The following FAM167A variants were observed in gnomAD, a reference collection of about 807,000 sequenced individuals.
FAM167A encodes protein FAM167A.
In FAM167A, 23 loss-of-function variants were observed where a neutral mutation model predicts 14.9. The observed-to-expected ratio is 1.55, with a 90% CI of 1.11 to 2.19. FAM167A has a LOEUF of 2.19. Ranked by LOEUF, FAM167A falls within the 30% of genes most tolerant of loss-of-function variation. The probability of loss-of-function intolerance (pLI) is 0.00; values close to 1 mark genes in which losing one functional copy is unlikely to be tolerated. For missense variants in FAM167A, 401 were observed against 281.5 expected (o/e 1.42, Z -3.04); for synonymous variants, 174 against 117.7 (o/e 1.48, Z -3.10).
At chr8:11,437,858 C>G (rs1475311346) in intron 2 of FAM167A, among the ~76,000 whole-genome samples, 1 of 148,110 alleles carries the variant, frequency 6.8e-6, no homozygotes, top group African/African-American at 2.7e-5. Context: ...AGGCATGGAT[C>G]TGGCTGCCAA....
chr8:11,440,851 G>A lies in FAM167A; in HGVS notation c.381+3180C>T, dbSNP rs1585253174. On this transcript the variant is annotated intron_variant, in intron 2 of 2. Coordinates refer to ENST00000284486, the MANE Select transcript of FAM167A (RefSeq NM_053279.3). ...AGGTTATGCAAATCACTTTCACTGAGTTAAATAGGTTAATTTTTAAAGGTA... is the reference window on the plus strand; with the variant it reads ...AGGTTATGCAAATCACTTTCACTGAATTAAATAGGTTAATTTTTAAAGGTA... Among the ~76,000 whole-genome samples the A allele has an allele frequency of 3.3e-5, 5 of 152,362 alleles. 1 individual carries two copies. The highest frequency in any genetic ancestry group is 3.3e-4 in the Admixed American group (5 of 15,308).
chr8:11,462,404 G>A (rs1209033328), intron 1 of FAM167A, among the ~76,000 whole-genome samples: 2 of 152,212 alleles, frequency 1.3e-5, no homozygotes, highest in Admixed American at 6.5e-5. Context: ...GACCAAATGA[G>A]ATCAAGTTTA....
At chr8:11,448,606 T>A (rs768970063) in intron 1 of FAM167A, among the ~76,000 whole-genome samples, 2 of 152,220 alleles carry the variant, frequency 1.3e-5, no homozygotes, top group Non-Finnish European at 2.9e-5. Context: ...CGAAGTCAGT[T>A]GATCCCACCT....
chr8:11,453,244 G>C (rs1379340477), intron 1 of FAM167A, among the ~76,000 whole-genome samples: 2 of 152,248 alleles, frequency 1.3e-5, no homozygotes, highest in Non-Finnish European at 2.9e-5. Flanking sequence ...TACAATCACA[G>C]CTCACTGCAG....
chr8:11,424,240 G>A lies in FAM167A; in HGVS notation c.*133C>T. 2 of 1,186,008 alleles carry A rather than the reference G, an allele frequency of 1.7e-6. No individual in the cohort carries two copies. Among genetic ancestry groups the A allele is most frequent in the Non-Finnish European group, 2.4e-6 (2 of 847,910 alleles). 73.5% of individuals were successfully genotyped at this position (1,186,008 alleles called of 1,614,324 possible). On this transcript the variant is annotated 3_prime_UTR_variant, in exon 3 of 3. Coordinates refer to ENST00000284486, the MANE Select transcript of FAM167A (RefSeq NM_053279.3). ...GGAGAGCACCACTGAATAGGTCCTG[G>A]GGCCCTTGAGTCGCCAGTCCCAGGG...
At chr8:11,453,171 C>G (rs1196789181) in intron 1 of FAM167A, among the ~76,000 whole-genome samples, 1 of 152,212 alleles carries the variant, frequency 6.6e-6, no homozygotes, top group Non-Finnish European at 1.5e-5. Context: ...TAATAACTTT[C>G]CTACTAAGTA....
chr8:11,453,457 A>G (rs1341568880), intron 1 of FAM167A, among the ~76,000 whole-genome samples: 3 of 152,244 alleles, frequency 2.0e-5, no homozygotes, highest in Non-Finnish European at 4.4e-5. Flanking sequence ...TGAAGTATGC[A>G]CTATGATTGT....
intron 2 of FAM167A, among the ~76,000 whole-genome samples, chr8:11,430,090 G>C (rs1040903076): frequency 2.6e-5 from 4 of 152,192 alleles, no homozygotes; most frequent in Non-Finnish European, 5.9e-5. Context: ...TGGGTTTCAT[G>C]CTGTCTCTGG....
Position 11,424,429 on chromosome 8 carries a change from T to G in FAM167A, c.589A>C (p.Lys197Gln). The G allele has an allele frequency of 6.2e-7, 1 of 1,613,182 alleles. No individual in the cohort carries two copies. The highest frequency in any genetic ancestry group is 8.5e-7 in the Non-Finnish European group (1 of 1,179,772). ...TTCATCTTGGTCACGCCAATAAGCT[T>G]GAGTGGTGTGGAGAGGCTGAAGGAG... ...ASSFSLSTPL[K>Q]LIGVTKMNIN... is the part of the protein sequence containing the mutation. Residue 197 changes from lysine to glutamine, a missense_variant, in exon 3 of 3, where the codon AAG becomes CAG. Physicochemically the swap from Lys to Gln is moderately conservative, Grantham distance 53. Transcript: ENST00000284486.
chr8:11,433,664 A>C (rs1023454990), intron 2 of FAM167A, among the ~76,000 whole-genome samples: 34 of 152,304 alleles, frequency 2.2e-4, no homozygotes, highest in African/African-American at 4.3e-4. Flanking sequence ...CAGAATGCCA[A>C]GGTGGTGAAG....
chr8:11,445,100 A>C, intron 1 of FAM167A: 2 of 981,116 alleles, frequency 2.0e-6, no homozygotes, highest in Non-Finnish European at 2.4e-6. Context: ...TTTTATTCTC[A>C]TTTCACACAC....
intron 2 of FAM167A, among the ~76,000 whole-genome samples, chr8:11,427,088 A>G (rs1267891334): frequency 6.6e-6 from 1 of 152,196 alleles, no homozygotes; most frequent in Non-Finnish European, 1.5e-5. Context: ...CTTTGCAGCT[A>G]TCTTATCTAG....
chr8:11,456,392 T>TGAGTGTGA (rs143216488), intron 1 of FAM167A, among the ~76,000 whole-genome samples: 86,293 of 119,728 alleles, frequency 0.72, 29,217 homozygotes, highest in Admixed American at 0.74. Flanking sequence ...GCCTGGTGTG[T>TGAGTGTGA]GTGTGAGTGT....
At chr8:11,474,115 T>C (rs921596795) in intron 1 of FAM167A, among the ~76,000 whole-genome samples, 2 of 152,324 alleles carry the variant, frequency 1.3e-5, no homozygotes, top group South Asian at 2.1e-4. Context: ...CCTCAGGTGA[T>C]CCGCCTGCCT....
chr8:11,440,060 G>A (rs767238445), intron 2 of FAM167A, among the ~76,000 whole-genome samples: 10 of 152,282 alleles, frequency 6.6e-5, no homozygotes, highest in Non-Finnish European at 1.2e-4. Flanking sequence ...CAGGCTACTC[G>A]GCTGCCTGGA....
chr8:11,430,359 C>T (rs1305457000), intron 2 of FAM167A, among the ~76,000 whole-genome samples: 1 of 152,236 alleles, frequency 6.6e-6, no homozygotes, highest in Non-Finnish European at 1.5e-5. Flanking sequence ...CCCTTTGAAA[C>T]AGCTGTGCTT....
chr8:11,454,183 T>G (rs1352062630), intron 1 of FAM167A, among the ~76,000 whole-genome samples: 1 of 152,212 alleles, frequency 6.6e-6, no homozygotes, highest in Non-Finnish European at 1.5e-5. Context: ...ACCGTCTGGG[T>G]TGCCCATGGC....
At chr8:11,432,198 C>T (rs1217255602) in intron 2 of FAM167A, among the ~76,000 whole-genome samples, 2 of 152,122 alleles carry the variant, frequency 1.3e-5, no homozygotes, top group South Asian at 4.1e-4. Context: ...ATCCCACGGA[C>T]TGATGTCTAT....
rs1183341519 is a variant in FAM167A, at chr8:11,454,008, C to T, written c.-397-9200G>A. 4.6e-5 allele frequency among the ~76,000 whole-genome samples: 7 copies of T among 152,340 alleles called. No homozygotes were observed. The East Asian group carries it at 7.7e-4, about 17-fold the overall frequency. ...TACTATCTGGCAGGACTAGCTATCA[C>T]GCGTGTGGAAAGCTTTCCATCTGCA... On this transcript the variant is annotated intron_variant, in intron 1 of 2. Coordinates refer to ENST00000284486, the MANE Select transcript of FAM167A (RefSeq NM_053279.3).
Sources: gnomAD v4.1 joint callset for allele counts (sites outside exome capture counted in the v4.1 genomes callset) on GRCh38, gnomAD v4.1.1 for gene constraint, MANE v1.5 for transcripts, NCBI Gene and HGNC (gene_info 2026-07-23, HGNC 2026-07-21) for gene names.